MDGA2: variants seen among roughly 807,000 people sequenced by gnomAD.
The protein encoded by MDGA2 is MAM domain-containing glycosylphosphatidylinositol anchor protein 2.
Under a neutral mutation model 117.8 loss-of-function variants are expected in MDGA2, and 40 were observed. The ratio of observed to expected loss-of-function variants is 0.34; its 90% CI spans 0.26 to 0.44. MDGA2 has a LOEUF of 0.44. MDGA2 is among the 20% of genes least tolerant of loss of function. The pLI is 1.00. For missense variants in MDGA2, 1,123 were observed against 1,250.6 expected (o/e 0.90, Z 1.54); for synonymous variants, 452 against 439.0 (o/e 1.03, Z -0.37).
chr14:47,423,344 TATTAGTAAAAG>T (rs1373544901), intron 1 of MDGA2, among the ~76,000 whole-genome samples: 1 of 152,210 alleles, frequency 6.6e-6, no homozygotes, highest in Non-Finnish European at 1.5e-5. Flanking sequence ...ACCCAATACT[TATTAGTAAAAG>T]CTGGGAAACT....
chr14:47,665,626 G>A (rs919788885), intron 1 of MDGA2, among the ~76,000 whole-genome samples: 16 of 152,176 alleles, frequency 1.1e-4, no homozygotes, highest in Admixed American at 5.2e-4. Context: ...CACTCGGAGC[G>A]GCCTGCTGGC....
chr14:47,557,901 G>A (rs1329005563), intron 1 of MDGA2, among the ~76,000 whole-genome samples: 1 of 152,100 alleles, frequency 6.6e-6, no homozygotes, highest in African/African-American at 2.4e-5. Context: ...ATATAAAAGA[G>A]CTTCAAACAG....
At chr14:46,974,732 C>T (rs1283933054) in intron 8 of MDGA2, among the ~76,000 whole-genome samples, 1 of 151,892 alleles carries the variant, frequency 6.6e-6, no homozygotes, top group Non-Finnish European at 1.5e-5. Context: ...GGGTCAAAGG[C>T]CTAAATGTAA....
In MDGA2 at chr14:47,292,306, G is replaced by A. The variant is rs572186249; in HGVS notation, c.420+9105C>T. On this transcript the variant is annotated intron_variant, in intron 2 of 16. Coordinates refer to ENST00000399232, the MANE Select transcript of MDGA2 (RefSeq NM_001113498.3). ...AGAACAGTTTTATAGGATTCCACTA[G>A]GTCTTTTCTACTAAAATGATTCTGA... 3.3e-5 allele frequency among the ~76,000 whole-genome samples: 5 copies of A among 152,232 alleles called. No individual in the cohort carries two copies. In the South Asian group the frequency reaches 1.0e-3, roughly 32 times the overall value.
chr14:47,455,297 G>A (rs906746043), intron 1 of MDGA2, among the ~76,000 whole-genome samples: 4 of 152,142 alleles, frequency 2.6e-5, no homozygotes, highest in Non-Finnish European at 5.9e-5. Context: ...CCTGAGGTCA[G>A]GAGTTCGAGA....
intron 8 of MDGA2, among the ~76,000 whole-genome samples, chr14:47,010,656 C>T (rs1054265587): frequency 5.9e-5 from 9 of 151,900 alleles, no homozygotes; most frequent in Non-Finnish European, 1.0e-4. Flanking sequence ...ATTGTTGACT[C>T]GCCTAAGTGT....
chr14:47,138,587 C>T (rs1453273184), intron 4 of MDGA2, among the ~76,000 whole-genome samples: 1 of 151,992 alleles, frequency 6.6e-6, no homozygotes, highest in African/African-American at 2.4e-5. Context: ...GGAAGACATA[C>T]AATGTATATT....
intron 10 of MDGA2, among the ~76,000 whole-genome samples, chr14:46,900,589 A>C (rs1291705802): frequency 1.3e-5 from 2 of 152,190 alleles, no homozygotes; most frequent in Non-Finnish European, 2.9e-5. Context: ...AATTACACTA[A>C]ATAGAAAAGT....
At chr14:47,000,399 A>AT (rs1491370755) in intron 8 of MDGA2, among the ~76,000 whole-genome samples, 86 of 21,968 alleles carry the variant, frequency 3.9e-3, no homozygotes, top group Non-Finnish European at 9.4e-3. Flanking sequence ...ATTTATATAT[A>AT]AATATATATT....
intron 11 of MDGA2, among the ~76,000 whole-genome samples, chr14:46,878,332 T>A (rs1280366345): frequency 6.6e-6 from 1 of 152,026 alleles, no homozygotes; most frequent in Non-Finnish European, 1.5e-5. Context: ...CCAATCTGGA[T>A]GAAGGACAGC....
intron 1 of MDGA2, among the ~76,000 whole-genome samples, chr14:47,569,443 C>T (rs1319438756): frequency 3.9e-5 from 6 of 152,102 alleles, no homozygotes; most frequent in Non-Finnish European, 8.8e-5. Context: ...ATTTACATTT[C>T]GTGATTGGGG....
chr14:47,103,479 A>G (rs1297324933), intron 5 of MDGA2, among the ~76,000 whole-genome samples: 1 of 152,214 alleles, frequency 6.6e-6, no homozygotes, highest in African/African-American at 2.4e-5. Flanking sequence ...ATTGACTCTC[A>G]TGAAGCCCAA....
intron 1 of MDGA2, among the ~76,000 whole-genome samples, chr14:47,587,565 T>C (rs1316464136): frequency 6.6e-6 from 1 of 151,870 alleles, no homozygotes; most frequent in Non-Finnish European, 1.5e-5. Context: ...TGTTCCTACT[T>C]AGATATCTCT....
At chr14:47,473,204 C>T (rs959074392) in intron 1 of MDGA2, among the ~76,000 whole-genome samples, 1 of 152,078 alleles carries the variant, frequency 6.6e-6, no homozygotes, top group African/African-American at 2.4e-5. Context: ...GGGCACAGAC[C>T]CCACTGGCTC....
chr14:46,915,742 C>G (rs1016430340), intron 10 of MDGA2, among the ~76,000 whole-genome samples: 1 of 152,074 alleles, frequency 6.6e-6, no homozygotes, highest in East Asian at 1.9e-4. Context: ...GGAAGCAAAG[C>G]GGCAGGAGGC....
chr14:47,086,568 T>A (rs1425361147), intron 6 of MDGA2, among the ~76,000 whole-genome samples: 2 of 151,794 alleles, frequency 1.3e-5, no homozygotes, highest in Non-Finnish European at 2.9e-5. Context: ...CCATTACTTA[T>A]TTTTTGAAAA....
chr14:47,417,058 T>C (rs1396581978), intron 1 of MDGA2, among the ~76,000 whole-genome samples: 1 of 152,166 alleles, frequency 6.6e-6, no homozygotes, highest in African/African-American at 2.4e-5. Flanking sequence ...GAGGTCTCAT[T>C]GTCTTGATGA....
At chr14:47,327,712 C>T (rs980081470) in intron 1 of MDGA2, among the ~76,000 whole-genome samples, 1 of 152,102 alleles carries the variant, frequency 6.6e-6, no homozygotes, top group Non-Finnish European at 1.5e-5. Flanking sequence ...ATATACAGTA[C>T]AAACATTTAT....
At chr14:46,936,973 G>A (rs1884805262) in intron 9 of MDGA2, among the ~76,000 whole-genome samples, 1 of 151,748 alleles carries the variant, frequency 6.6e-6, no homozygotes. Context: ...AAAGTAAAAG[G>A]CATCCAAATT....
Sources: gnomAD v4.1 joint callset for allele counts (sites outside exome capture counted in the v4.1 genomes callset) on GRCh38, gnomAD v4.1.1 for gene constraint, MANE v1.5 for transcripts, NCBI Gene and HGNC (gene_info 2026-07-23, HGNC 2026-07-21) for gene names.